TDRD7: variants seen among roughly 807,000 people sequenced by gnomAD.
The protein encoded by TDRD7 is tudor domain containing 7.
In TDRD7, 47 loss-of-function variants were observed where a neutral mutation model predicts 109.8. That is an observed-to-expected ratio of 0.43 (90% CI 0.34 to 0.55). The LOEUF (loss-of-function observed/expected upper bound fraction) is 0.55, where lower values mean the gene tolerates loss of function less well. Ranked by LOEUF, TDRD7 falls within the 20% of genes least tolerant of loss-of-function variation. The pLI is 0.03. For missense variants in TDRD7, 1,164 were observed against 1,319.2 expected, an observed-to-expected ratio of 0.88 and a Z score of 1.82; for synonymous variants, 424 against 457.3, an observed-to-expected ratio of 0.93 and a Z score of 0.93.
chr9:97,460,209 T>G lies in TDRD7; in HGVS notation c.887T>G (p.Leu296Ter), dbSNP rs763741308. ...VEKPCSGGQD[L>*]LLYPAKRKQL... Reference sequence around the variant, plus strand: ...AAACCTTGCAGTGGTGGCCAAGATTTACTTCTTTATCCAGCTAAGAGAAAG... The same window carrying G: ...AAACCTTGCAGTGGTGGCCAAGATTGACTTCTTTATCCAGCTAAGAGAAAG... The change falls in exon 7 of 17, where the codon TTA becomes TGA. Residue 296 changes from leucine to a stop codon, truncating the protein, a stop_gained. Transcript: ENST00000355295. LOFTEE classifies it high-confidence loss of function. 1 of 1,614,228 alleles carries G rather than the reference T, an allele frequency of 6.2e-7. No individual in the cohort carries two copies. The highest frequency in any genetic ancestry group is 1.1e-5 in the South Asian group (1 of 91,088).
In TDRD7 at chr9:97,472,441, C is replaced by A; in HGVS notation, c.1890C>A (p.Ile630=). Residue 630 remains isoleucine (I), a synonymous_variant, in exon 10 of 17, where the codon ATC becomes ATA. Coordinates refer to ENST00000355295, the MANE Select transcript of TDRD7 (RefSeq NM_014290.3). ...CCTCAGGAGAAGATGATATCAATATCAATGCCACCTGCTTGAAGGCTATAT... is the reference window on the plus strand; with the variant it reads ...CCTCAGGAGAAGATGATATCAATATAAATGCCACCTGCTTGAAGGCTATAT... ...YDTSGEDDIN[I]NATCLKAICD... is the part of the protein sequence containing the mutation. The A allele has an allele frequency of 6.2e-7, 1 of 1,613,948 alleles. No homozygotes were observed. Among genetic ancestry groups the A allele is most frequent in the Non-Finnish European group, 8.5e-7 (1 of 1,179,896 alleles).
intron 8 of TDRD7, among the ~76,000 whole-genome samples, chr9:97,465,790 G>A (rs1342795653): frequency 6.6e-6 from 1 of 152,058 alleles, no homozygotes; most frequent in African/African-American, 2.4e-5. Context: ...TGAATAATGG[G>A]CCTGCTACTT....
intron 8 of TDRD7, among the ~76,000 whole-genome samples, chr9:97,465,740 A>G (rs1431375649): frequency 6.6e-6 from 1 of 151,660 alleles, no homozygotes; most frequent in Non-Finnish European, 1.5e-5. Context: ...ACTTCTTTCT[A>G]TCTTGGTGGA....
intron 6 of TDRD7, among the ~76,000 whole-genome samples, chr9:97,459,835 T>G (rs1317041733): frequency 6.6e-6 from 1 of 152,234 alleles, no homozygotes; most frequent in East Asian, 1.9e-4. Context: ...CACAACTTAT[T>G]TTTAGTCAGT....
At chr9:97,493,243 G>A (rs1300586332) in intron 16 of TDRD7, among the ~76,000 whole-genome samples, 6 of 152,140 alleles carry the variant, frequency 3.9e-5, no homozygotes, top group Admixed American at 3.3e-4. Flanking sequence ...GATATTTCAT[G>A]TAGGTTCTTT....
chr9:97,482,861 G>T lies in TDRD7; in HGVS notation c.2425G>T (p.Asp809Tyr). 3 of 1,614,012 alleles carry T rather than the reference G, an allele frequency of 1.9e-6. No homozygotes were observed. The highest frequency in any genetic ancestry group is 2.5e-6 in the Non-Finnish European group (3 of 1,179,910). The change falls in exon 15 of 17, where the codon GAT becomes TAT. Residue 809 changes from aspartate to tyrosine, a missense_variant. Asp to Tyr is a radical substitution (Grantham distance 160). Around this residue, in one of 5 missense-constraint regions of TDRD7, gnomAD observed 233 missense variants for 218.0 expected, o/e 1.07. Transcript: ENST00000355295. ...GTGTTTTCCAAAGGTTACAAAAGTG[G>T]ATGAAACCAGAGGGATCGCACATGT... ...SDCSIKVTKVDETRGIAHVYL... is the reference protein window; with the variant it reads ...SDCSIKVTKVYETRGIAHVYL...
At chr9:97,439,830 G>A (rs552029271) in intron 5 of TDRD7, among the ~76,000 whole-genome samples, 116 of 152,260 alleles carry the variant, frequency 7.6e-4, no homozygotes, top group African/African-American at 2.7e-3. Context: ...TGGGCTGTTA[G>A]GAAAACAATA....
intron 13 of TDRD7, chr9:97,480,467 GA>G (rs1309533095): frequency 7.5e-6 from 2 of 266,994 alleles, no homozygotes; most frequent in African/African-American, 4.4e-5. Context: ...GGTAGACCTT[GA>G]TAAAAGTCCC....
Position 97,444,570 on chromosome 9 carries a change from TTAGA to T in TDRD7, c.855+2699_855+2702del, listed in dbSNP as rs1340997552. Among the ~76,000 whole-genome samples the T allele has an allele frequency of 5.3e-5, 8 of 152,344 alleles. No homozygotes were observed. The East Asian group carries it at 1.5e-3, about 29-fold the overall frequency. ...AGGACAGATGTTACTACAAGCAAAA[TTAGA>T]TAGTCTCAAGGCAGTGCAAAAAGTT... On this transcript the variant is annotated intron_variant, in intron 6 of 16. Coordinates refer to ENST00000355295, the MANE Select transcript of TDRD7 (RefSeq NM_014290.3).
intron 15 of TDRD7, among the ~76,000 whole-genome samples, chr9:97,485,798 TAAATG>T (rs1829202467): frequency 6.6e-6 from 1 of 152,210 alleles, no homozygotes; most frequent in African/African-American, 2.4e-5. Flanking sequence ...GCTCAGAGCT[TAAATG>T]AAGAGCCCAG....
At chr9:97,489,274 C>T (rs1829262496) in intron 16 of TDRD7, among the ~76,000 whole-genome samples, 1 of 151,936 alleles carries the variant, frequency 6.6e-6, no homozygotes, top group Non-Finnish European at 1.5e-5. Context: ...GGATTTTTTT[C>T]ATTTCTCCTT....
At chr9:97,419,812 T>C (rs925787554) in intron 1 of TDRD7, among the ~76,000 whole-genome samples, 1 of 152,220 alleles carries the variant, frequency 6.6e-6, no homozygotes, top group African/African-American at 2.4e-5. Flanking sequence ...CTGGGTGTTT[T>C]TCCCAGTACC....
rs772576151 is a variant in TDRD7 at position 97,460,399 on chromosome 9, T to G, written c.1077T>G (p.Ser359Arg). 6.2e-6 allele frequency: 10 copies of G among 1,614,092 alleles called. No homozygotes were observed. Among genetic ancestry groups the G allele is most frequent in the Middle Eastern group, 1.6e-4 (1 of 6,084 alleles). ...AATACACAAGTGGCCTTTGGGCCAG[T>G]GCACTTCCGAAAGCATTTGAGGAAA... ...LVKYTSGLWA[S>R]ALPKAFEEMY... The change falls in exon 7 of 17, where the codon AGT becomes AGG. Residue 359 changes from serine to arginine, a missense_variant. Ser to Arg is a moderately radical substitution (Grantham distance 110). Around this residue, in one of 5 missense-constraint regions of TDRD7, gnomAD observed 407 missense variants for 394.0 expected, o/e 1.03. Transcript: ENST00000355295.
At chr9:97,478,633 A>G in intron 13 of TDRD7, 60 bp downstream of exon 13, 1 of 1,605,894 alleles carries the variant, frequency 6.2e-7, no homozygotes, top group East Asian at 2.2e-5. Flanking sequence ...TCATAATCTT[A>G]TTGTAAGATG....
At chr9:97,481,050 T>G (rs1444805699) in intron 14 of TDRD7, 112 bp downstream of exon 14, 7 of 865,902 alleles carry the variant, frequency 8.1e-6, no homozygotes, top group Admixed American at 5.3e-5. Context: ...TGCTTCCACA[T>G]CCAACACATT....
At position 97,483,254 on chromosome 9, in the gene TDRD7, G is replaced by A. The variant is rs762032394; in HGVS notation, c.2818G>A (p.Val940Ile). The change falls in exon 15 of 17, where the codon GTT (valine) becomes ATT (isoleucine). Residue 940 changes from valine to isoleucine, a missense_variant. This residue lies in a region of TDRD7 where 162 missense variants were observed against 222.5 expected (regional missense o/e 0.73). Coordinates refer to ENST00000355295, the MANE Select transcript of TDRD7 (RefSeq NM_014290.3). ...TTGGCAGGAGATACATAAGTTGGAA[G>A]TTCTGATGGAAGAGATGATTCTATA... ...QPWQEIHKLE[V>I]LMEEMILYYS... is the part of the protein sequence containing the mutation. The A allele has an allele frequency of 3.0e-5, 49 of 1,613,646 alleles. No homozygotes were observed. Among genetic ancestry groups the A allele is most frequent in the Admixed American group, 1.0e-4 (6 of 59,948 alleles).
chr9:97,483,008 G>A lies in TDRD7; in HGVS notation c.2572G>A (p.Asp858Asn). ...VFLSAISSGADSPNSKNGNMP... is the reference protein window; with the variant it reads ...VFLSAISSGANSPNSKNGNMP... ...TTTGAGTGCCATATCCAGTGGAGCT[G>A]ACTCTCCCAACAGCAAAAATGGCAA... The change falls in exon 15 of 17, where the codon GAC becomes AAC. Residue 858 changes from aspartate (D) to asparagine (N), a missense_variant. Coordinates refer to ENST00000355295, the MANE Select transcript of TDRD7 (RefSeq NM_014290.3). 1 of 1,614,194 alleles carries A rather than the reference G, an allele frequency of 6.2e-7. No individual in the cohort carries two copies. Among genetic ancestry groups the A allele is most frequent in the Non-Finnish European group, 8.5e-7 (1 of 1,180,028 alleles).
chr9:97,482,901 C>G lies in TDRD7; in HGVS notation c.2465C>G (p.Pro822Arg). 1 of 1,614,154 alleles carries G rather than the reference C, an allele frequency of 6.2e-7. No homozygotes were observed. Among genetic ancestry groups the G allele is most frequent in the Non-Finnish European group, 8.5e-7 (1 of 1,180,014 alleles). The change falls in exon 15 of 17, where the codon CCT becomes CGT. Residue 822 changes from proline (P) to arginine (R), a missense_variant. This residue lies in a region of TDRD7 where 233 missense variants were observed against 218.0 expected (regional missense o/e 1.07). Coordinates refer to ENST00000355295, the MANE Select transcript of TDRD7 (RefSeq NM_014290.3). Reference sequence around the variant, plus strand: ...ATCGCACATGTTTATTTATTTACCCCTAAGAACTTCCCTGACCCTCATCGC... The same window carrying G: ...ATCGCACATGTTTATTTATTTACCCGTAAGAACTTCCCTGACCCTCATCGC... ...RGIAHVYLFT[P>R]KNFPDPHRSI...
At chr9:97,480,574 T>C (rs753081962) in intron 13 of TDRD7, 2 of 464,926 alleles carry the variant, frequency 4.3e-6, no homozygotes, top group East Asian at 4.4e-5. Context: ...TGCAGAAGTA[T>C]TGTACGGTGG....
Sources: allele counts gnomAD v4.1 joint callset (sites outside exome capture counted in the v4.1 genomes callset), GRCh38; gene constraint gnomAD v4.1.1; regional missense constraint gnomAD v4.1.1; transcripts MANE v1.5; gene names NCBI Gene and HGNC (gene_info 2026-07-23, HGNC 2026-07-21).